HPSE2: variants seen among roughly 807,000 people sequenced by gnomAD.
The protein encoded by HPSE2 is heparanase 2 (inactive).
In HPSE2, 38 loss-of-function variants were observed where a neutral mutation model predicts 60.5. That is an observed-to-expected ratio of 0.63 (90% CI 0.48 to 0.82). HPSE2 has a LOEUF of 0.82. Among genes scored for constraint, HPSE2 ranks in the 40% least tolerant of loss-of-function variants. HPSE2 has a pLI of 0.00. For synonymous variants in HPSE2, 295 were observed against 293.2 expected (o/e 1.01, Z -0.06); for missense variants, 713 against 740.4 (o/e 0.96, Z 0.43).
intron 2 of HPSE2, among the ~76,000 whole-genome samples, chr10:99,183,902 C>A (rs1001955391): frequency 1.3e-5 from 2 of 152,190 alleles, no homozygotes; most frequent in African/African-American, 4.8e-5. Context: ...AGGGTACTGA[C>A]AGCCTCAGAA....
At chr10:98,818,281 G>A (rs777826031) in intron 3 of HPSE2, among the ~76,000 whole-genome samples, 1 of 152,136 alleles carries the variant, frequency 6.6e-6, no homozygotes, top group Non-Finnish European at 1.5e-5. Context: ...TTTCTTGGAA[G>A]ACAATTTTTT....
At chr10:99,084,287 T>C (rs528629229) in intron 3 of HPSE2, among the ~76,000 whole-genome samples, 2 of 152,290 alleles carry the variant, frequency 1.3e-5, no homozygotes, top group South Asian at 4.1e-4. Context: ...TACTTTCAGT[T>C]CTTGAGAACT....
At chr10:99,308,016 AAG>A in the HPSE2 span, among the ~76,000 whole-genome samples, 2 of 152,150 alleles carry the variant, frequency 1.3e-5, no homozygotes, top group African/African-American at 4.8e-5. Flanking sequence ...GTATACACAC[AAG>A]AGAGTTAAAA....
chr10:99,235,435 T>G (rs1849806377), intron 1 of HPSE2, 78 bp downstream of exon 1: 1 of 1,319,120 alleles, frequency 7.6e-7, no homozygotes, highest in Non-Finnish European at 1.1e-6. Context: ...TTCTTTCCCC[T>G]TTGGAATGGG....
chr10:98,850,899 C>T (rs1041608814), intron 3 of HPSE2, among the ~76,000 whole-genome samples: 4 of 152,186 alleles, frequency 2.6e-5, no homozygotes, highest in Non-Finnish European at 4.4e-5. Context: ...CAAGTAGACA[C>T]TGTTTCTCCC....
chr10:98,671,830 A>G (rs1947514879), intron 6 of HPSE2, among the ~76,000 whole-genome samples: 1 of 152,156 alleles, frequency 6.6e-6, no homozygotes, highest in Admixed American at 6.5e-5. Context: ...AGGGAATGAA[A>G]GGCACCCCAG....
chr10:98,546,001 T>C (rs36140802), intron 9 of HPSE2, among the ~76,000 whole-genome samples: 24,228 of 110,898 alleles, frequency 0.22, 3,536 homozygotes, highest in African/African-American at 0.38. Flanking sequence ...CATTCTTATA[T>C]ACCAATAACA....
rs79345492 is a variant in HPSE2, at chr10:98,618,155, A to C, written c.1205+2447T>G. On this transcript the variant is annotated intron_variant, in intron 8 of 11. Coordinates refer to ENST00000370552, the MANE Select transcript of HPSE2 (RefSeq NM_021828.5). ...AGACCAAATGGGTGACAAAGAGGTAAGAGAGATGGGGAGCAGAATAAACTA... is the reference window on the plus strand; with the variant it reads ...AGACCAAATGGGTGACAAAGAGGTACGAGAGATGGGGAGCAGAATAAACTA... Among the ~76,000 whole-genome samples, 20 of 152,258 alleles carry C rather than the reference A, an allele frequency of 1.3e-4. No individual in the cohort carries two copies. The East Asian group carries it at 3.9e-3, about 29-fold the overall frequency.
chr10:98,591,048 T>C (rs1945075180), intron 9 of HPSE2, among the ~76,000 whole-genome samples: 1 of 152,130 alleles, frequency 6.6e-6, no homozygotes. Context: ...GAACAAGCTA[T>C]AGTAATCTTC....
chr10:98,587,920 A>G (rs904570815), intron 9 of HPSE2, among the ~76,000 whole-genome samples: 1 of 152,234 alleles, frequency 6.6e-6, no homozygotes, highest in Non-Finnish European at 1.5e-5. Flanking sequence ...AAAAGAATAC[A>G]TGAAATAGCT....
At chr10:99,300,860 C>T in the HPSE2 span, among the ~76,000 whole-genome samples, 2 of 152,112 alleles carry the variant, frequency 1.3e-5, no homozygotes, top group Non-Finnish European at 2.9e-5. Flanking sequence ...CTTTGAGACC[C>T]GAGGCTCAGA....
intron 5 of HPSE2, among the ~76,000 whole-genome samples, chr10:98,701,546 T>C (rs1253773951): frequency 2.0e-5 from 3 of 149,398 alleles, no homozygotes; most frequent in Non-Finnish European, 3.0e-5. Flanking sequence ...TGCTAAATGA[T>C]GAGTCAATGG....
chr10:99,131,136 C>T (rs1845367662), intron 3 of HPSE2, among the ~76,000 whole-genome samples: 1 of 152,202 alleles, frequency 6.6e-6, no homozygotes, highest in Non-Finnish European at 1.5e-5. Flanking sequence ...GGAAATCCAG[C>T]ATCCCTTTAT....
intron 6 of HPSE2, among the ~76,000 whole-genome samples, chr10:98,652,978 C>T (rs7075573): frequency 0.013 from 2,000 of 152,188 alleles, 52 homozygotes; most frequent in African/African-American, 0.045. Context: ...GTTTTTAAGC[C>T]TAGATCAAGG....
chr10:98,476,490 G>GA (rs903316746), intron 11 of HPSE2, among the ~76,000 whole-genome samples: 2,090 of 145,692 alleles, frequency 0.014, 46 homozygotes, highest in African/African-American at 0.049. Context: ...AAAAGAAAAA[G>GA]AAAAAAAAAA....
intron 3 of HPSE2, among the ~76,000 whole-genome samples, chr10:98,823,930 A>G (rs1032571715): frequency 6.6e-6 from 1 of 152,218 alleles, no homozygotes; most frequent in African/African-American, 2.4e-5. Context: ...TTTTCAATCA[A>G]CATTTACCAT....
Position 98,721,679 on chromosome 10 carries a change from T to C in HPSE2, c.934A>G (p.Asn312Asp). The C allele has an allele frequency of 6.2e-7, 1 of 1,613,724 alleles. No individual in the cohort carries two copies. Among genetic ancestry groups the C allele is most frequent in the Non-Finnish European group, 8.5e-7 (1 of 1,179,862 alleles). Residue 312 changes from asparagine to aspartate, a missense_variant, in exon 5 of 12, where the codon AAT (asparagine) becomes GAT (aspartate). Transcript: ENST00000370552. ...YGPNIGRPRKNVIALLDGFMK... is the reference protein window; with the variant it reads ...YGPNIGRPRKDVIALLDGFMK... ...TACCCATCTAGGAGGGCGATGACAT[T>C]CTTCCTCGGCCGCCCAATATTAGGG...
At chr10:99,027,302 C>T (rs998985707) in intron 3 of HPSE2, among the ~76,000 whole-genome samples, 7 of 150,386 alleles carry the variant, frequency 4.7e-5, no homozygotes, top group African/African-American at 1.2e-4. Flanking sequence ...AGTGATACTG[C>T]AGAAATCCAA....
At chr10:99,184,485 A>G (rs976495178) in intron 2 of HPSE2, among the ~76,000 whole-genome samples, 1 of 127,722 alleles carries the variant, frequency 7.8e-6, no homozygotes. Flanking sequence ...AGATCATGCC[A>G]TTGCACTCCA....
Sources: gnomAD v4.1 joint callset for allele counts (sites outside exome capture counted in the v4.1 genomes callset) on GRCh38, gnomAD v4.1.1 for gene constraint, MANE v1.5 for transcripts, NCBI Gene and HGNC (gene_info 2026-07-23, HGNC 2026-07-21) for gene names.